Variants in TGFB2 observed in about 807,000 individuals in gnomAD.
TGFB2 encodes the protein transforming growth factor beta-2 proprotein.
TGFB2 carries 13 observed loss-of-function variants against 42.7 expected under a neutral mutation model. The observed-to-expected ratio is 0.30, with a 90% CI of 0.20 to 0.48. The LOEUF is 0.48. Among genes scored for constraint, TGFB2 ranks in the 20% least tolerant of loss-of-function variants. The pLI, the probability that TGFB2 is intolerant of heterozygous loss-of-function variation, is 0.99. For missense variants in TGFB2, 390 were observed against 517.5 expected, an observed-to-expected ratio of 0.75 and a Z score of 2.39; for synonymous variants, 193 against 193.6, an observed-to-expected ratio of 1.00 and a Z score of 0.03.
At chr1:218,368,223 C>T (rs1004944093) in intron 1 of TGFB2, among the ~76,000 whole-genome samples, 4 of 152,126 alleles carry the variant, frequency 2.6e-5, no homozygotes, top group Non-Finnish European at 5.9e-5. Flanking sequence ...CGGCTCACTG[C>T]GACCTCCACC....
At chr1:218,424,949 G>A (rs558760513) in intron 2 of TGFB2, among the ~76,000 whole-genome samples, 1 of 152,312 alleles carries the variant, frequency 6.6e-6, no homozygotes, top group Admixed American at 6.5e-5. Flanking sequence ...AGAAGACATT[G>A]GAAAGGGTTT....
Position 218,346,056 on chromosome 1 carries a change from G to GCA in TGFB2, c.-622_-621dup, listed in dbSNP as rs151329324. ...GGGCTCGCCCCCAGCGCGCGCACACGCACACACACACACACACACACACAC... is the reference window on the plus strand; with the variant it reads ...GGGCTCGCCCCCAGCGCGCGCACACGCACACACACACACACACACACACACAC... On this transcript the variant is annotated 5_prime_UTR_variant, in exon 1 of 7. Transcript: ENST00000366930. This position sits in a 1 kb window ranked among gnomAD's most constrained non-coding sequence, Gnocchi z 4.9. Among the ~76,000 whole-genome samples, 4,604 of 145,556 alleles carry GCA rather than the reference G, an allele frequency of 0.032. 117 individuals are homozygous for GCA. Among genetic ancestry groups the GCA allele is most frequent in the South Asian group, 0.079 (347 of 4,384 alleles).
At chr1:218,390,782 C>T (rs1238240392) in intron 1 of TGFB2, among the ~76,000 whole-genome samples, 1 of 152,316 alleles carries the variant, frequency 6.6e-6, no homozygotes, top group East Asian at 1.9e-4. Flanking sequence ...TTCCAGATCT[C>T]GTTCATGCCA....
At chr1:218,415,326 C>T (rs1192067444) in intron 2 of TGFB2, among the ~76,000 whole-genome samples, 2 of 152,114 alleles carry the variant, frequency 1.3e-5, no homozygotes, top group Non-Finnish European at 2.9e-5. Context: ...TTCTTGGTTG[C>T]TGTCCCAGGA....
chr1:218,346,448 A>T lies in TGFB2; in HGVS notation c.-254A>T. 3 of 394,512 alleles carry T rather than the reference A, an allele frequency of 7.6e-6. No individual in the cohort carries two copies. The highest frequency in any genetic ancestry group is 9.3e-5 in the Admixed American group (2 of 21,568). 24.4% of individuals were successfully genotyped at this position (394,512 alleles called of 1,614,324 possible). A position where few individuals can be genotyped will look rare whatever the true frequency, so the allele number is the denominator to read the frequency against. On this transcript the variant is annotated 5_prime_UTR_variant, in exon 1 of 7. Coordinates refer to ENST00000366930, the MANE Select transcript of TGFB2 (RefSeq NM_003238.6). This position sits in a 1 kb window ranked among gnomAD's most constrained non-coding sequence, Gnocchi z 4.9. ...AGAATTTTTTTCTTCTTACTCGCCA[A>T]AGTCAGGGTTCCCTCTGCCCGTCCC... is the stretch of plus-strand genomic sequence containing the variant.
chr1:218,381,282 G>C lies in TGFB2; in HGVS notation c.347-23887G>C, dbSNP rs185200935. Among the ~76,000 whole-genome samples the C allele has an allele frequency of 3.5e-3, 503 of 143,904 alleles. 2 individuals carry two copies. Among genetic ancestry groups the C allele is most frequent in the African/African-American group, 0.012 (471 of 38,774 alleles). 94.4% of individuals were successfully genotyped at this position (143,904 alleles called of 152,430 possible). On this transcript the variant is annotated intron_variant, in intron 1 of 6. Coordinates refer to ENST00000366930, the MANE Select transcript of TGFB2 (RefSeq NM_003238.6). ...TGTTTTTTTTTTTTTTTGAGACAGA[G>C]TCTCGCTCTGTTGCCCAGGCTGGAT... is the stretch of plus-strand genomic sequence containing the variant.
Position 218,443,399 on chromosome 1 carries a change from G to T in TGFB2, c.*2037G>T, listed in dbSNP as rs1229665413. The T allele has an allele frequency of 1.3e-5, 2 of 152,186 alleles. No homozygotes were observed. The highest frequency in any genetic ancestry group is 6.6e-5 in the Admixed American group (1 of 15,266). 9.4% of individuals were successfully genotyped at this position (152,186 alleles called of 1,614,324 possible). A position where few individuals can be genotyped will look rare whatever the true frequency, so the allele number is the denominator to read the frequency against. On this transcript the variant is annotated 3_prime_UTR_variant, in exon 7 of 7. Transcript: ENST00000366930. Reference sequence around the variant, plus strand: ...ATCCAAAGTGAAGTTGTTTGATATGGTCTACTTCTTTTTTGGAATTTCCTG... The same window carrying T: ...ATCCAAAGTGAAGTTGTTTGATATGTTCTACTTCTTTTTTGGAATTTCCTG...
At chr1:218,397,279 A>G (rs1658550569) in intron 1 of TGFB2, among the ~76,000 whole-genome samples, 1 of 142,200 alleles carries the variant, frequency 7.0e-6, no homozygotes, top group African/African-American at 2.6e-5. Context: ...AAAAAAAAAA[A>G]AAGGCCGGGC....
At chr1:218,421,649 C>T (rs1255809997) in intron 2 of TGFB2, among the ~76,000 whole-genome samples, 1 of 151,304 alleles carries the variant, frequency 6.6e-6, no homozygotes, top group Non-Finnish European at 1.5e-5. Flanking sequence ...CCTTCCCCTA[C>T]ACATAAAAAA....
intron 4 of TGFB2, among the ~76,000 whole-genome samples, chr1:218,435,767 A>G (rs1571902598): frequency 6.6e-6 from 1 of 152,312 alleles, no homozygotes. Flanking sequence ...CAAGAGCCCC[A>G]TTTAGAAGTG....
At chr1:218,365,620 C>G (rs1239175368) in intron 1 of TGFB2, among the ~76,000 whole-genome samples, 1 of 151,714 alleles carries the variant, frequency 6.6e-6, no homozygotes, top group Non-Finnish European at 1.5e-5. Flanking sequence ...CTGCAGACCC[C>G]TTTCAGACCT....
chr1:218,359,166 C>T (rs530364270), intron 1 of TGFB2, among the ~76,000 whole-genome samples: 3 of 152,282 alleles, frequency 2.0e-5, no homozygotes, highest in African/African-American at 7.2e-5. Context: ...GCCATGACCT[C>T]AGGCTCTGAA....
intron 2 of TGFB2, among the ~76,000 whole-genome samples, chr1:218,429,086 T>C (rs1181909941): frequency 6.8e-6 from 1 of 147,368 alleles, no homozygotes; most frequent in African/African-American, 2.5e-5. Flanking sequence ...GCTCAAGCAA[T>C]TTTCCTGCCT....
chr1:218,352,796 T>G (rs1285362189), intron 1 of TGFB2, among the ~76,000 whole-genome samples: 1 of 152,210 alleles, frequency 6.6e-6, no homozygotes, highest in African/African-American at 2.4e-5. Context: ...ATGGAATGTC[T>G]GCATGGATGG....
intron 1 of TGFB2, among the ~76,000 whole-genome samples, chr1:218,380,108 A>G (rs1657909538): frequency 6.6e-6 from 1 of 152,216 alleles, no homozygotes; most frequent in African/African-American, 2.4e-5. Context: ...AACTTGCCCA[A>G]GCTGTGAGAT....
intron 1 of TGFB2, among the ~76,000 whole-genome samples, chr1:218,396,165 G>C (rs1431247593): frequency 6.6e-6 from 1 of 152,172 alleles, no homozygotes; most frequent in Non-Finnish European, 1.5e-5. Flanking sequence ...GTCTAGGGCA[G>C]AAGTTCTCAA....
At chr1:218,387,590 G>A (rs747897237) in intron 1 of TGFB2, among the ~76,000 whole-genome samples, 1 of 152,014 alleles carries the variant, frequency 6.6e-6, no homozygotes, top group Admixed American at 6.5e-5. Flanking sequence ...CGAGGGAACC[G>A]AGGCCTGGGA....
At chr1:218,357,727 G>A (rs1383392586) in intron 1 of TGFB2, among the ~76,000 whole-genome samples, 2 of 152,200 alleles carry the variant, frequency 1.3e-5, no homozygotes, top group Non-Finnish European at 2.9e-5. Context: ...TCCCTCCACA[G>A]GCAGCTGTTT....
intron 1 of TGFB2, among the ~76,000 whole-genome samples, chr1:218,376,431 A>G (rs891616778): frequency 2.3e-4 from 35 of 152,236 alleles, no homozygotes; most frequent in African/African-American, 8.2e-4. Flanking sequence ...TTCACCAAGC[A>G]TATACTGCCT....
Sources: allele counts gnomAD v4.1 joint callset (sites outside exome capture counted in the v4.1 genomes callset), GRCh38; gene constraint gnomAD v4.1.1; non-coding constraint Gnocchi (gnomAD v3.1); transcripts MANE v1.5; gene names NCBI Gene and HGNC (gene_info 2026-07-23, HGNC 2026-07-21).